Variants in EXD3 observed in about 807,000 individuals in gnomAD.
EXD3 encodes exonuclease mut-7 homolog.
A neutral mutation model predicts 98.0 loss-of-function variants in EXD3; 92 were observed. The ratio of observed to expected loss-of-function variants is 0.94; its 90% CI spans 0.79 to 1.12. The LOEUF (loss-of-function observed/expected upper bound fraction) is 1.12. Among genes scored for constraint, EXD3 ranks in the 50% most tolerant of loss-of-function variants. EXD3 has a pLI of 0.00. For synonymous variants in EXD3, 569 were observed against 526.0 expected, an observed-to-expected ratio of 1.08 and a Z score of -1.12; for missense variants, 1,222 against 1,191.6, an observed-to-expected ratio of 1.03 and a Z score of -0.38.
In EXD3 at chr9:137,354,709, C is replaced by A. The variant is rs1016889737; in HGVS notation, c.822G>T (p.Arg274=). ...LAALRHLCHK[R]FVEKSLSQEN... ...CCTCCTGCTCACGAACCTCCACAAA[C>A]CGCTTGTGGCACAGGTGCCGCAGGG... is the stretch of plus-strand genomic sequence containing the variant. The change falls in exon 9 of 22, where the codon CGG becomes CGT. Residue 274 remains arginine, a synonymous_variant. Coordinates refer to ENST00000340951, the MANE Select transcript of EXD3 (RefSeq NM_017820.5). The A allele has an allele frequency of 3.7e-6, 6 of 1,610,950 alleles. No individual in the cohort carries two copies. The Admixed American group carries it at 6.7e-5, about 18-fold the overall frequency.
At position 137,352,642 on chromosome 9, in the gene EXD3, G is replaced by T. The variant is rs533372753; in HGVS notation, c.1015C>A (p.Arg339Ser). The T allele has an allele frequency of 2.6e-5, 41 of 1,547,408 alleles. No homozygotes were observed. The highest frequency in any genetic ancestry group is 3.4e-5 in the Non-Finnish European group (39 of 1,146,192). ...RLPAAVAVEL[R>S]RFRLQGRATE... ...CACCTCCCCTGGAGCCTGAACCGGC[G>T]GAGTTCCACAGCCACCGCAGCCGGC... The change falls in exon 11 of 22, where the codon CGC (arginine) becomes AGC (serine). Residue 339 changes from arginine (R) to serine (S), a missense_variant. Coordinates refer to ENST00000340951, the MANE Select transcript of EXD3 (RefSeq NM_017820.5).
intron 10 of EXD3, chr9:137,353,596 C>T: frequency 2.0e-6 from 2 of 986,060 alleles, no homozygotes; most frequent in Non-Finnish European, 2.4e-6. Context: ...CTCTCTCCCA[C>T]CCCGCAGCCA....
chr9:137,388,878 T>C (rs1369399744), intron 2 of EXD3, among the ~76,000 whole-genome samples: 1 of 152,126 alleles, frequency 6.6e-6, no homozygotes, highest in Non-Finnish European at 1.5e-5. Context: ...GACCTGCATG[T>C]CCACGGGTCC....
At chr9:137,331,644 G>A (rs895415582) in intron 17 of EXD3, among the ~76,000 whole-genome samples, 1 of 152,080 alleles carries the variant, frequency 6.6e-6, no homozygotes, top group East Asian at 1.9e-4. Flanking sequence ...GGCCAGGCGC[G>A]GTGGCTCACG....
intron 19 of EXD3, among the ~76,000 whole-genome samples, chr9:137,310,917 C>A (rs1054764249): frequency 1.3e-5 from 2 of 152,212 alleles, no homozygotes; most frequent in African/African-American, 4.8e-5. Context: ...GACCCCTCCC[C>A]ATGCAGGGGC....
At chr9:137,316,243 C>A (rs1032458508) in intron 19 of EXD3, among the ~76,000 whole-genome samples, 1 of 151,742 alleles carries the variant, frequency 6.6e-6, no homozygotes, top group Admixed American at 6.6e-5. Context: ...CCCCCGCGGC[C>A]GGCCTTGGAA....
intron 17 of EXD3, among the ~76,000 whole-genome samples, chr9:137,330,739 G>A (rs1414960201): frequency 6.6e-6 from 1 of 152,098 alleles, no homozygotes; most frequent in East Asian, 1.9e-4. Flanking sequence ...GAATAAACCC[G>A]GCAACACTCT....
At chr9:137,355,728 A>AGGAGGAAGGAGGAAGGAGGAT (rs1312685212) in intron 8 of EXD3, among the ~76,000 whole-genome samples, 1 of 132,494 alleles carries the variant, frequency 7.5e-6, no homozygotes, top group African/African-American at 2.9e-5. Context: ...GGAAGGAGGA[A>AGGAGGAAGGAGGAAGGAGGAT]GGAGGACCTA....
At chr9:137,398,872 C>A (rs954912179) in intron 1 of EXD3, among the ~76,000 whole-genome samples, 8 of 150,074 alleles carry the variant, frequency 5.3e-5, no homozygotes, top group Admixed American at 2.0e-4. Flanking sequence ...CACCCGCGTC[C>A]CCGTGACACA....
At chr9:137,377,332 C>G (rs946181636) in intron 3 of EXD3, 6 of 152,082 alleles carry the variant, frequency 3.9e-5, no homozygotes, top group African/African-American at 1.4e-4. Flanking sequence ...GTAGTCCCAG[C>G]TACTTGGGAG....
intron 17 of EXD3, among the ~76,000 whole-genome samples, chr9:137,342,324 C>A (rs1833689255): frequency 7.4e-6 from 1 of 134,696 alleles, no homozygotes. Context: ...AGGGCTCAGG[C>A]ACCAGGAGCC....
intron 4 of EXD3, 102 bp downstream of exon 4, chr9:137,373,324 G>T: frequency 7.2e-7 from 1 of 1,391,424 alleles, no homozygotes; most frequent in Non-Finnish European, 9.8e-7. Flanking sequence ...TCCCTGGCTT[G>T]CTGAGCGGGC....
chr9:137,394,852 G>A (rs187477939), intron 2 of EXD3, among the ~76,000 whole-genome samples: 49 of 152,292 alleles, frequency 3.2e-4, no homozygotes, highest in African/African-American at 1.2e-3. Flanking sequence ...TAGGGACCCT[G>A]GAGGCCACCC....
chr9:137,368,854 G>A (rs1316960694), intron 5 of EXD3, among the ~76,000 whole-genome samples: 8 of 150,780 alleles, frequency 5.3e-5, no homozygotes, highest in Admixed American at 1.3e-4. Context: ...GGCCCGGGGC[G>A]GGGGTCTCAG....
At chr9:137,364,894 G>A (rs1240947835) in intron 7 of EXD3, among the ~76,000 whole-genome samples, 1 of 149,436 alleles carries the variant, frequency 6.7e-6, no homozygotes, top group East Asian at 2.0e-4. Context: ...TCAGCCTCCC[G>A]AGTAGCTGGG....
chr9:137,308,167 CAG>C (rs1362023976), intron 20 of EXD3, among the ~76,000 whole-genome samples: 1 of 152,152 alleles, frequency 6.6e-6, no homozygotes, highest in African/African-American at 2.4e-5. Context: ...GGTATCCACT[CAG>C]GGGTCACTGT....
intron 1 of EXD3, among the ~76,000 whole-genome samples, chr9:137,399,283 A>C (rs1403244598): frequency 6.6e-6 from 1 of 152,192 alleles, no homozygotes; most frequent in Non-Finnish European, 1.5e-5. Flanking sequence ...AGCAGGACGG[A>C]CATGGTGTGG....
At chr9:137,399,266 G>A (rs959845961) in intron 1 of EXD3, among the ~76,000 whole-genome samples, 6 of 152,208 alleles carry the variant, frequency 3.9e-5, no homozygotes, top group South Asian at 2.1e-4. Flanking sequence ...GGCCGTGGCC[G>A]GATCCCAGCA....
At chr9:137,365,493 C>T (rs1420242221) in intron 7 of EXD3, 1 of 156,628 alleles carries the variant, frequency 6.4e-6, no homozygotes, top group Admixed American at 6.2e-5. Context: ...ATATCTCACA[C>T]ACACACACAT....
Sources: gnomAD v4.1 joint callset for allele counts (sites outside exome capture counted in the v4.1 genomes callset) on GRCh38, gnomAD v4.1.1 for gene constraint, MANE v1.5 for transcripts, NCBI Gene and HGNC (gene_info 2026-07-23, HGNC 2026-07-21) for gene names.